Variants in ZMYM2 observed in about 807,000 individuals in gnomAD.
The protein encoded by ZMYM2 is zinc finger MYM-type containing 2, also known as zinc finger MYM-type protein 2.
ZMYM2 carries 56 observed loss-of-function variants against 162.8 expected under a neutral mutation model. The ratio of observed to expected loss-of-function variants is 0.34; its 90% CI spans 0.28 to 0.43. ZMYM2 has a LOEUF of 0.43. Among genes scored for constraint, ZMYM2 ranks in the 20% least tolerant of loss-of-function variants. ZMYM2 has a pLI of 1.00. For synonymous variants in ZMYM2, 510 were observed against 541.6 expected, an observed-to-expected ratio of 0.94 and a Z score of 0.81; for missense variants, 1,275 against 1,621.8, an observed-to-expected ratio of 0.79 and a Z score of 3.67.
At chr13:20,062,643 A>G (rs1429219091) in intron 17 of ZMYM2, among the ~76,000 whole-genome samples, 1 of 152,192 alleles carries the variant, frequency 6.6e-6, no homozygotes, top group Non-Finnish European at 1.5e-5. Context: ...AAAAGTTTTC[A>G]TGTGCTTGTG....
At chr13:20,039,464 T>G (rs1354459878) in intron 12 of ZMYM2, among the ~76,000 whole-genome samples, 1 of 138,196 alleles carries the variant, frequency 7.2e-6, no homozygotes, top group Non-Finnish European at 1.5e-5. Context: ...AATACCTAGT[T>G]TATTGAGAGT....
chr13:20,008,588 ATTTCC>A (rs779969630), intron 6 of ZMYM2, among the ~76,000 whole-genome samples: 25 of 152,234 alleles, frequency 1.6e-4, no homozygotes, highest in Middle Eastern at 3.2e-3. Flanking sequence ...ATATTAGTAG[ATTTCC>A]TAATCTATTG....
At chr13:20,057,467 T>C (rs1032153350) in intron 14 of ZMYM2, among the ~76,000 whole-genome samples, 2 of 152,150 alleles carry the variant, frequency 1.3e-5, no homozygotes, top group East Asian at 3.9e-4. Flanking sequence ...TTAATTTTTG[T>C]TTAATATTTT....
At chr13:19,905,106 G>C in the ZMYM2 span, among the ~76,000 whole-genome samples, 2 of 149,738 alleles carry the variant, frequency 1.3e-5, no homozygotes, top group Non-Finnish European at 3.0e-5. Flanking sequence ...TCGCCTCCCA[G>C]GTTCAGGTGA....
chr13:20,041,890 C>T (rs1566374355), intron 12 of ZMYM2, among the ~76,000 whole-genome samples: 1 of 152,128 alleles, frequency 6.6e-6, no homozygotes, highest in African/African-American at 2.4e-5. Flanking sequence ...GGCCCCCAAT[C>T]TCTTCTGGCT....
At chr13:19,921,584 A>G in the ZMYM2 span, among the ~76,000 whole-genome samples, 1 of 152,038 alleles carries the variant, frequency 6.6e-6, no homozygotes, top group Non-Finnish European at 1.5e-5. Flanking sequence ...TTAAGCTGTG[A>G]TATTCGCTAT....
chr13:20,038,512 G>A (rs1308470805), intron 12 of ZMYM2, among the ~76,000 whole-genome samples: 2 of 152,134 alleles, frequency 1.3e-5, no homozygotes, highest in South Asian at 2.1e-4. Flanking sequence ...TCCCAGCACC[G>A]TTGATTGAAT....
At chr13:20,033,142 G>T (rs1449757979) in intron 10 of ZMYM2, among the ~76,000 whole-genome samples, 1 of 151,942 alleles carries the variant, frequency 6.6e-6, no homozygotes, top group South Asian at 2.1e-4. Flanking sequence ...AGTGATGAGG[G>T]AATGAAGAAA....
At chr13:20,071,746 AG>A (rs1432376253) in intron 21 of ZMYM2, 1 of 172,766 alleles carries the variant, frequency 5.8e-6, no homozygotes, top group Non-Finnish European at 1.3e-5. Context: ...ATTGGCCTTA[AG>A]TTCCCTGCCC....
At chr13:19,879,963 T>C in the ZMYM2 span, among the ~76,000 whole-genome samples, 1 of 152,160 alleles carries the variant, frequency 6.6e-6, no homozygotes, top group Non-Finnish European at 1.5e-5. Context: ...GAAAGGCATA[T>C]TTCCTCTCTT....
intron 2 of ZMYM2, among the ~76,000 whole-genome samples, chr13:19,991,900 C>T (rs1277041200): frequency 6.6e-6 from 1 of 152,104 alleles, no homozygotes; most frequent in Non-Finnish European, 1.5e-5. Flanking sequence ...AATGGTCACA[C>T]TGCCTTCTCT....
the ZMYM2 span, among the ~76,000 whole-genome samples, chr13:19,877,078 G>T: frequency 9.1e-3 from 1,379 of 152,254 alleles, 77 homozygotes; most frequent in Admixed American, 0.084. Context: ...TGGGCGCAGT[G>T]GCGGGCGCCT....
At chr13:19,974,238 G>A (rs1188079009) in intron 2 of ZMYM2, among the ~76,000 whole-genome samples, 8 of 152,110 alleles carry the variant, frequency 5.3e-5, no homozygotes, top group South Asian at 4.1e-4. Context: ...TTTCTTGGGC[G>A]TTTATCGAGA....
chr13:20,075,641 A>G (rs909057250), intron 21 of ZMYM2, among the ~76,000 whole-genome samples: 2 of 148,248 alleles, frequency 1.3e-5, no homozygotes, highest in South Asian at 2.1e-4. Context: ...CCGTCATACT[A>G]AATTTATTAT....
the ZMYM2 span, among the ~76,000 whole-genome samples, chr13:19,932,193 A>G: frequency 2.6e-5 from 4 of 152,328 alleles, no homozygotes; most frequent in East Asian, 7.7e-4. Context: ...TCTCTCTGAT[A>G]TCTTAGTGCT....
the ZMYM2 span, among the ~76,000 whole-genome samples, chr13:19,897,636 G>C: frequency 6.6e-6 from 1 of 151,582 alleles, no homozygotes; most frequent in African/African-American, 2.4e-5. Context: ...TAAAAAGAGA[G>C]CAAGGGTGAC....
intron 2 of ZMYM2, among the ~76,000 whole-genome samples, chr13:19,980,966 A>G (rs1447981030): frequency 6.6e-6 from 1 of 151,820 alleles, no homozygotes; most frequent in African/African-American, 2.4e-5. Flanking sequence ...ACCGTGATGA[A>G]TTCACGGATT....
At chr13:19,930,116 A>G in the ZMYM2 span, among the ~76,000 whole-genome samples, 1 of 151,960 alleles carries the variant, frequency 6.6e-6, no homozygotes, top group East Asian at 1.9e-4. Flanking sequence ...ACAGTATTTT[A>G]TTTGTCAGGC....
chr13:20,067,128 A>G, intron 20 of ZMYM2, 109 bp downstream of exon 20: 1 of 1,378,418 alleles, frequency 7.3e-7, no homozygotes, highest in Non-Finnish European at 9.6e-7. Context: ...TACCTGTAAG[A>G]ATGCATTTTA....
Sources: gnomAD v4.1 joint callset for allele counts (sites outside exome capture counted in the v4.1 genomes callset) on GRCh38, gnomAD v4.1.1 for gene constraint, MANE v1.5 for transcripts, NCBI Gene and HGNC (gene_info 2026-07-23, HGNC 2026-07-21) for gene names.